The following NAXE variants were observed in gnomAD, a reference collection of about 807,000 sequenced individuals.
NAXE encodes the protein NAD(P)H-hydrate epimerase.
NAXE carries 25 observed loss-of-function variants against 31.2 expected under a neutral mutation model. The ratio of observed to expected loss-of-function variants is 0.80; its 90% CI spans 0.58 to 1.12. The LOEUF is 1.12. Ranked by LOEUF, NAXE falls within the 50% of genes most tolerant of loss-of-function variation. NAXE has a pLI of 0.00. For synonymous variants in NAXE, 144 were observed against 154.5 expected (o/e 0.93, Z 0.50); for missense variants, 362 against 376.1 (o/e 0.96, Z 0.31).
rs1393308034 is a variant in NAXE at position 156,592,002 on chromosome 1, G to T, written c.182+16G>T. ...AGTACCTGAGGTAGGCACGGGTCTC[G>T]GGTGGCCTGCTCTGCCCCGGGGCGG... On this transcript the variant is annotated intron_variant, in intron 1 of 5. Coordinates refer to ENST00000368235, the MANE Select transcript of NAXE (RefSeq NM_144772.3). The T allele has an allele frequency of 6.2e-7, 1 of 1,613,494 alleles. No individual in the cohort carries two copies. The highest frequency in any genetic ancestry group is 8.5e-7 in the Non-Finnish European group (1 of 1,179,760).
chr1:156,593,599 C>A (rs1375858108), intron 5 of NAXE, 44 bp downstream of exon 5: 7 of 1,612,564 alleles, frequency 4.3e-6, no homozygotes, highest in Non-Finnish European at 5.9e-6. Context: ...TGGGGCCCTA[C>A]CCTCCTGACT....
rs1677396395 is a variant in NAXE, at chr1:156,593,390, T to C, written c.517-18T>C. The C allele has an allele frequency of 6.2e-7, 1 of 1,607,860 alleles. No homozygotes were observed. Among genetic ancestry groups the C allele is most frequent in the Non-Finnish European group, 8.5e-7 (1 of 1,176,328 alleles). ...GTGCAGCTGCTGGCTCTGACATCCTTTTCCTGCTCCACCACAGCCCATGAC... is the reference window on the plus strand; with the variant it reads ...GTGCAGCTGCTGGCTCTGACATCCTCTTCCTGCTCCACCACAGCCCATGAC... On this transcript the variant is annotated intron_variant, in intron 4 of 5. Coordinates refer to ENST00000368235, the MANE Select transcript of NAXE (RefSeq NM_144772.3).
chr1:156,592,061 G>C, intron 1 of NAXE, 40 bp from the exon 2 acceptor site: 4 of 1,614,000 alleles, frequency 2.5e-6, no homozygotes, highest in Non-Finnish European at 3.4e-6. Flanking sequence ...GCGCGACAGA[G>C]AACACGAGGG....
chr1:156,591,937 G>A lies in NAXE; in HGVS notation c.133G>A (p.Gly45Ser), dbSNP rs758053899. The change falls in exon 1 of 6, where the codon GGC becomes AGC. Residue 45 changes from glycine (G) to serine (S), a missense_variant. Physicochemically the swap from Gly to Ser is moderately conservative, Grantham distance 56. Coordinates refer to ENST00000368235, the MANE Select transcript of NAXE (RefSeq NM_144772.3). ...WWGPQRLNSG[G>S]RWDSEVMAST... ...GGGACCGCAGCGGCTGAACTCGGGT[G>A]GCCGCTGGGACTCAGAGGTCATGGC... The A allele has an allele frequency of 1.2e-5, 20 of 1,612,796 alleles. No homozygotes were observed. In the East Asian group the frequency reaches 4.5e-4, roughly 36 times the overall value.
At position 156,593,867 on chromosome 1, in the gene NAXE, C is replaced by T. The variant is rs755997403; in HGVS notation, c.665-15C>T. On this transcript the variant is annotated splice_polypyrimidine_tract_variant and intron_variant, in intron 5 of 5. Coordinates refer to ENST00000368235, the MANE Select transcript of NAXE (RefSeq NM_144772.3). Reference sequence around the variant, plus strand: ...GAGACATCTGGCCTCTTCCTGAACACCACCCTCTTTTCAGGATGGGACGTG... The same window carrying T: ...GAGACATCTGGCCTCTTCCTGAACATCACCCTCTTTTCAGGATGGGACGTG... The T allele has an allele frequency of 1.2e-6, 2 of 1,612,914 alleles. No homozygotes were observed. Among genetic ancestry groups the T allele is most frequent in the Non-Finnish European group, 8.5e-7 (1 of 1,179,302 alleles).
Position 156,592,167 on chromosome 1 carries a change from T to C in NAXE, c.249T>C (p.Leu83=). 1 of 1,614,100 alleles carries C rather than the reference T, an allele frequency of 6.2e-7. No individual in the cohort carries two copies. The highest frequency in any genetic ancestry group is 8.5e-7 in the Non-Finnish European group (1 of 1,179,998). ...FNEYQFSVDQ[L]MELAGLSCAT... is the part of the protein sequence containing the mutation. ...AATACCAGTTCAGCGTGGACCAACT[T>C]ATGGAACTGGCCGGGCTGAGCTGTG... The change falls in exon 2 of 6, where the codon CTT becomes CTC. Residue 83 remains leucine (L), a synonymous_variant. Coordinates refer to ENST00000368235, the MANE Select transcript of NAXE (RefSeq NM_144772.3).
rs2102491191 is a variant in NAXE, at chr1:156,593,502, T to C, written c.611T>C (p.Leu204Pro). The change falls in exon 5 of 6, where the codon CTG becomes CCG. Residue 204 changes from leucine (L) to proline (P), a missense_variant. Physicochemically the swap from Leu to Pro is moderately conservative, Grantham distance 98. Transcript: ENST00000368235. Reference protein sequence around the residue: ...GDVREPFHSILSVLKGLTVPI... With the variant: ...GDVREPFHSIPSVLKGLTVPI... ...GTTCGGGAACCGTTCCACAGCATCC[T>C]GAGTGTCCTGAAGGGACTCACTGTG... 2 of 1,614,216 alleles carry C rather than the reference T, an allele frequency of 1.2e-6. No homozygotes were observed. Among genetic ancestry groups the C allele is most frequent in the African/African-American group, 2.7e-5 (2 of 75,064 alleles).
rs1677339806 is a variant in NAXE at position 156,591,988 on chromosome 1, T to C, written c.182+2T>C. On this transcript the variant is annotated splice_donor_variant, in intron 1 of 5. Transcript: ENST00000368235. LOFTEE classifies it high-confidence loss of function. ...GAGCACGGTGGTGAAGTACCTGAGG[T>C]AGGCACGGGTCTCGGGTGGCCTGCT... is the stretch of plus-strand genomic sequence containing the variant. The C allele has an allele frequency of 1.2e-6, 2 of 1,612,826 alleles. No individual in the cohort carries two copies. Among genetic ancestry groups the C allele is most frequent in the East Asian group, 2.2e-5 (1 of 44,806 alleles).
Position 156,591,814 on chromosome 1 carries a change from C to A in NAXE, c.10C>A (p.Leu4Met), listed in dbSNP as rs756633275. The stretch of plus-strand genomic sequence containing the variant: ...GCGCTCTGCGAGCTGGATGTCCAGG[C>A]TGCGGGCGCTGCTGGGCCTCGGGCT... The part of the protein sequence containing the change: MSR[L>M]RALLGLGLLV... Residue 4 changes from leucine to methionine, a missense_variant, in exon 1 of 6, where the codon CTG becomes ATG. Coordinates refer to ENST00000368235, the MANE Select transcript of NAXE (RefSeq NM_144772.3). The A allele has an allele frequency of 6.3e-7, 1 of 1,597,856 alleles. No individual in the cohort carries two copies. The highest frequency in any genetic ancestry group is 8.5e-7 in the Non-Finnish European group (1 of 1,176,284).
At chr1:156,592,976 G>C in intron 4 of NAXE, 1 of 432,286 alleles carries the variant, frequency 2.3e-6, no homozygotes, top group Non-Finnish European at 4.1e-6. Context: ...GGCCGGAGTG[G>C]CTGCCCTATC....
chr1:156,592,488 G>A lies in NAXE; in HGVS notation c.402+13G>A. On this transcript the variant is annotated intron_variant, in intron 3 of 5. Transcript: ENST00000368235. ...CCTCAAACTCTTTGTGAGTATGTGG[G>A]GAGGGGCTGTGGGGGAGGAGGGCGT... The A allele has an allele frequency of 9.9e-6, 16 of 1,613,854 alleles. No homozygotes were observed. Among genetic ancestry groups the A allele is most frequent in the African/African-American group, 1.3e-5 (1 of 75,030 alleles).
At chr1:156,593,289 G>A in intron 4 of NAXE, 119 bp from the exon 5 acceptor site, 1 of 1,338,800 alleles carries the variant, frequency 7.5e-7, no homozygotes, top group Non-Finnish European at 1.0e-6. Flanking sequence ...GCTGCCCTCT[G>A]AATGAGACAC....
At chr1:156,593,722 C>T in intron 5 of NAXE, 160 bp from the exon 6 acceptor site, 1 of 1,324,846 alleles carries the variant, frequency 7.5e-7, no homozygotes. Context: ...CATGTTGGCC[C>T]CATGAAGAGA....
Position 156,593,468 on chromosome 1 carries a change from A to C in NAXE, c.577A>C (p.Lys193Gln), listed in dbSNP as rs746949280. ...GGATGCCATCTTTGGCTTCAGCTTC[A>C]AGGGCGATGTTCGGGAACCGTTCCA... is the stretch of plus-strand genomic sequence containing the variant. Reference protein sequence around the residue: ...VVDAIFGFSFKGDVREPFHSI... With the variant: ...VVDAIFGFSFQGDVREPFHSI... Residue 193 changes from lysine to glutamine, a missense_variant, in exon 5 of 6, where the codon AAG becomes CAG. Coordinates refer to ENST00000368235, the MANE Select transcript of NAXE (RefSeq NM_144772.3). The C allele has an allele frequency of 2.5e-6, 4 of 1,614,042 alleles. No individual in the cohort carries two copies. The African/African-American group carries it at 5.3e-5, about 22-fold the overall frequency.
rs181120719 is a variant in NAXE at position 156,592,976 on chromosome 1, G to A, written c.516+306G>A. On this transcript the variant is annotated intron_variant, in intron 4 of 5. Transcript: ENST00000368235. ...GATCTACCCCTCAGGGGCCGGAGTG[G>A]CTGCCCTATCTGAAACCCTTCCTGC... 6.9e-6 allele frequency: 3 copies of A among 432,286 alleles called. No homozygotes were observed. The Admixed American group carries it at 1.2e-4, about 18-fold the overall frequency. The allele number at this position is 432,286 out of a possible 1,614,324, so 26.8% of individuals were successfully genotyped here. A position where few individuals can be genotyped will look rare whatever the true frequency, so the allele number is the denominator to read the frequency against.
In NAXE at chr1:156,592,598, G is replaced by GCC. The variant is rs1453424037; in HGVS notation, c.447_448dup (p.Leu150ProfsTer7). 6.2e-7 allele frequency: 1 copy of GCC among 1,614,028 alleles called. No individual in the cohort carries two copies. Among genetic ancestry groups the GCC allele is most frequent in the Non-Finnish European group, 8.5e-7 (1 of 1,180,022 alleles). ...TCTATTACCCCAAAAGGCCTAACAA[G>GCC]CCCCTCTTCACTGCATTGGTGACCC... is the stretch of plus-strand genomic sequence containing the variant. On this transcript the variant is annotated frameshift_variant, in exon 4 of 6. Coordinates refer to ENST00000368235, the MANE Select transcript of NAXE (RefSeq NM_144772.3). LOFTEE classifies it high-confidence loss of function.
chr1:156,593,462 A>G lies in NAXE; in HGVS notation c.571A>G (p.Ser191Gly). The G allele has an allele frequency of 6.2e-7, 1 of 1,614,160 alleles. No homozygotes were observed. Among genetic ancestry groups the G allele is most frequent in the Non-Finnish European group, 8.5e-7 (1 of 1,180,014 alleles). ...GGTGGTGGATGCCATCTTTGGCTTCAGCTTCAAGGGCGATGTTCGGGAACC... is the reference window on the plus strand; with the variant it reads ...GGTGGTGGATGCCATCTTTGGCTTCGGCTTCAAGGGCGATGTTCGGGAACC... ...ELVVDAIFGFSFKGDVREPFH... is the reference protein window; with the variant it reads ...ELVVDAIFGFGFKGDVREPFH... Residue 191 changes from serine (S) to glycine (G), a missense_variant, in exon 5 of 6, where the codon AGC becomes GGC. Coordinates refer to ENST00000368235, the MANE Select transcript of NAXE (RefSeq NM_144772.3).
In NAXE at chr1:156,592,400, T is replaced by A. The variant is rs1677355501; in HGVS notation, c.327T>A (p.Pro109=). The part of the protein sequence containing the change: ...YPPTSMSRSP[P]TVLVICGPGN... ...CCACGTCCATGTCCAGGAGCCCCCC[T>A]ACTGTCCTGGTCATCTGTGGCCCGG... is the stretch of plus-strand genomic sequence containing the variant. Residue 109 remains proline, a synonymous_variant, in exon 3 of 6, where the codon CCT becomes CCA. Transcript: ENST00000368235. The A allele has an allele frequency of 6.2e-7, 1 of 1,614,106 alleles. No homozygotes were observed. Among genetic ancestry groups the A allele is most frequent in the South Asian group, 1.1e-5 (1 of 91,082 alleles).
intron 3 of NAXE, 41 bp downstream of exon 3, chr1:156,592,516 G>A (rs1403191635): frequency 6.2e-7 from 1 of 1,613,600 alleles, no homozygotes; most frequent in East Asian, 2.2e-5. Flanking sequence ...GAGGGCGTGA[G>A]GGCTCTGGGA....
Sources: gnomAD v4.1 joint callset for allele counts on GRCh38, gnomAD v4.1.1 for gene constraint, MANE v1.5 for transcripts, NCBI Gene and HGNC (gene_info 2026-07-23, HGNC 2026-07-21) for gene names.